MAGI2: variants seen among roughly 807,000 people sequenced by gnomAD.
MAGI2 encodes membrane-associated guanylate kinase, WW and PDZ domain-containing protein 2.
MAGI2 carries 35 observed loss-of-function variants against 133.3 expected under a neutral mutation model. The observed-to-expected ratio is 0.26, with a 90% CI of 0.20 to 0.35. The LOEUF (loss-of-function observed/expected upper bound fraction) is 0.35, where lower values mean the gene tolerates loss of function less well. Ranked by LOEUF, MAGI2 falls within the 10% of genes least tolerant of loss-of-function variation. MAGI2 has a pLI of 1.00. For synonymous variants in MAGI2, 729 were observed against 710.6 expected (o/e 1.03, Z -0.41); for missense variants, 1,636 against 1,863.4 (o/e 0.88, Z 2.25).
chr7:79,097,128 G>C (rs1238126308), intron 1 of MAGI2, among the ~76,000 whole-genome samples: 1 of 152,124 alleles, frequency 6.6e-6, no homozygotes, highest in East Asian at 1.9e-4. Context: ...CAATATGCCA[G>C]TTACTGTTTT....
At chr7:79,322,071 A>AT (rs906006406) in intron 1 of MAGI2, among the ~76,000 whole-genome samples, 4 of 152,016 alleles carry the variant, frequency 2.6e-5, no homozygotes, top group African/African-American at 9.7e-5. Context: ...TCATTTAGTA[A>AT]TTTTTTTCAA....
intron 5 of MAGI2, among the ~76,000 whole-genome samples, chr7:78,499,407 C>T (rs2150519522): frequency 6.6e-6 from 1 of 152,288 alleles, no homozygotes; most frequent in African/African-American, 2.4e-5. Context: ...AACTATTTGT[C>T]TCTCTTCCCC....
chr7:79,239,144 TTAC>T (rs1832177378), intron 1 of MAGI2, among the ~76,000 whole-genome samples: 1 of 152,192 alleles, frequency 6.6e-6, no homozygotes, highest in Non-Finnish European at 1.5e-5. Flanking sequence ...CAAAATTATA[TTAC>T]TACATGAACA....
At chr7:78,485,501 T>C (rs1428076974) in intron 6 of MAGI2, 10 of 152,040 alleles carry the variant, frequency 6.6e-5, no homozygotes, top group Non-Finnish European at 1.2e-4. Context: ...TTGTTTAATA[T>C]ATATTTGTAC....
intron 14 of MAGI2, among the ~76,000 whole-genome samples, chr7:78,171,700 T>C (rs531423546): frequency 2.2e-4 from 33 of 152,294 alleles, no homozygotes; most frequent in African/African-American, 7.9e-4. Context: ...CAGGATCCCT[T>C]ACTTACCAGG....
At chr7:79,355,521 A>G (rs1344225009) in intron 1 of MAGI2, among the ~76,000 whole-genome samples, 1 of 152,228 alleles carries the variant, frequency 6.6e-6, no homozygotes. Context: ...CTACATTTAA[A>G]GAAGTAAGTT....
At chr7:79,035,833 A>C (rs1054034010) in intron 1 of MAGI2, among the ~76,000 whole-genome samples, 2 of 152,224 alleles carry the variant, frequency 1.3e-5, no homozygotes, top group African/African-American at 4.8e-5. Context: ...GATTATAGAA[A>C]CCCAATTCAC....
At chr7:78,924,897 A>G (rs928851835) in intron 2 of MAGI2, among the ~76,000 whole-genome samples, 4 of 151,528 alleles carry the variant, frequency 2.6e-5, no homozygotes, top group African/African-American at 9.7e-5. Flanking sequence ...ACTGGATTTT[A>G]AATTTAAAGT....
At chr7:78,213,742 A>G (rs1290180069) in intron 10 of MAGI2, among the ~76,000 whole-genome samples, 2 of 152,204 alleles carry the variant, frequency 1.3e-5, no homozygotes, top group African/African-American at 2.4e-5. Context: ...GCTTCTGTCC[A>G]TAAATCTTTG....
Position 78,371,012 on chromosome 7 carries a change from C to T in MAGI2, c.1046-1799G>A, listed in dbSNP as rs1403338812. On this transcript the variant is annotated intron_variant, in intron 6 of 21. Coordinates refer to ENST00000354212, the MANE Select transcript of MAGI2 (RefSeq NM_012301.4). ...CTGATGGATTTTCTAGGTACTAACT[C>T]ATTTTATTATGCCAGCAACTCAGGA... Among the ~76,000 whole-genome samples the T allele has an allele frequency of 2.0e-5, 3 of 152,000 alleles. No individual in the cohort carries two copies. In the South Asian group the frequency reaches 6.2e-4, roughly 31 times the overall value.
intron 20 of MAGI2, among the ~76,000 whole-genome samples, chr7:78,100,015 A>G (rs921649067): frequency 4.6e-5 from 7 of 152,286 alleles, no homozygotes; most frequent in Non-Finnish European, 8.8e-5. Context: ...GTAATTTCCC[A>G]TAGTATACAT....
At chr7:78,398,437 T>C (rs1796558154) in intron 6 of MAGI2, among the ~76,000 whole-genome samples, 1 of 152,166 alleles carries the variant, frequency 6.6e-6, no homozygotes, top group South Asian at 2.1e-4. Context: ...ATGGAACTTC[T>C]GTAATATCTT....
intron 2 of MAGI2, among the ~76,000 whole-genome samples, chr7:78,957,264 C>CAAAAAAAAAAAA (rs1187620956): frequency 4.7e-5 from 2 of 42,632 alleles, no homozygotes; most frequent in African/African-American, 1.7e-4. Context: ...GACTCCATCT[C>CAAAAAAAAAAAA]AAAAAAAAAA....
chr7:78,752,914 A>G (rs1823587836), intron 2 of MAGI2, among the ~76,000 whole-genome samples: 1 of 152,224 alleles, frequency 6.6e-6, no homozygotes. Flanking sequence ...TTAAAGTTAA[A>G]AAGGCTCAAA....
At chr7:78,402,241 T>C (rs1231165126) in intron 6 of MAGI2, among the ~76,000 whole-genome samples, 1 of 151,528 alleles carries the variant, frequency 6.6e-6, no homozygotes, top group South Asian at 2.1e-4. Context: ...TATGTGTGTC[T>C]GCCTACCTGG....
At chr7:79,323,761 T>C (rs990878282) in intron 1 of MAGI2, among the ~76,000 whole-genome samples, 10 of 152,106 alleles carry the variant, frequency 6.6e-5, no homozygotes, top group Admixed American at 2.0e-4. Context: ...ATTGGTACAG[T>C]TTCAGGTGAG....
At chr7:79,300,525 C>T (rs1041350001) in intron 1 of MAGI2, among the ~76,000 whole-genome samples, 1 of 152,126 alleles carries the variant, frequency 6.6e-6, no homozygotes, top group Non-Finnish European at 1.5e-5. Context: ...TCCTAAAAAC[C>T]TATGCTCAGA....
At chr7:79,011,450 G>T (rs952512407) in intron 1 of MAGI2, among the ~76,000 whole-genome samples, 2 of 152,130 alleles carry the variant, frequency 1.3e-5, no homozygotes, top group Admixed American at 1.3e-4. Flanking sequence ...TTTGTGCCAA[G>T]TGTCTGGTTG....
intron 2 of MAGI2, among the ~76,000 whole-genome samples, chr7:78,785,789 T>A (rs993220013): frequency 6.6e-6 from 1 of 152,226 alleles, no homozygotes; most frequent in Non-Finnish European, 1.5e-5. Context: ...TTTAAAATGT[T>A]ATGCAATTTT....
Sources: allele counts gnomAD v4.1 joint callset (sites outside exome capture counted in the v4.1 genomes callset), GRCh38; gene constraint gnomAD v4.1.1; transcripts MANE v1.5; gene names NCBI Gene and HGNC (gene_info 2026-07-23, HGNC 2026-07-21).